USP42: variants seen among roughly 807,000 people sequenced by gnomAD.
The protein encoded by USP42 is ubiquitin carboxyl-terminal hydrolase 42.
In USP42, 23 loss-of-function variants were observed where a neutral mutation model predicts 113.0. The ratio of observed to expected loss-of-function variants is 0.20; its 90% CI spans 0.15 to 0.29. USP42 has a LOEUF of 0.29. USP42 is among the 10% of genes least tolerant of loss of function. The probability of loss-of-function intolerance (pLI) is 1.00; values close to 1 mark genes in which losing one functional copy is unlikely to be tolerated. For synonymous variants in USP42, 933 were observed against 699.0 expected, an observed-to-expected ratio of 1.33 and a Z score of -5.28; for missense variants, 2,174 against 1,779.8, an observed-to-expected ratio of 1.22 and a Z score of -3.99.
the USP42 span, among the ~76,000 whole-genome samples, chr7:6,097,578 G>A: frequency 6.7e-6 from 1 of 148,696 alleles, no homozygotes; most frequent in East Asian, 2.0e-4. Context: ...AGCCATGTGG[G>A]TTATTTCTTT....
At chr7:6,119,387 C>G (rs545363744) in intron 3 of USP42, among the ~76,000 whole-genome samples, 2 of 152,232 alleles carry the variant, frequency 1.3e-5, no homozygotes, top group Admixed American at 1.3e-4. Context: ...GAGAGGCTCG[C>G]TTCAGCTCAG....
chr7:6,109,727 A>T (rs1779493695), intron 1 of USP42, among the ~76,000 whole-genome samples: 1 of 134,560 alleles, frequency 7.4e-6, no homozygotes. Flanking sequence ...TTGAGACTTA[A>T]TCTTGCTCTG....
intron 8 of USP42, among the ~76,000 whole-genome samples, chr7:6,143,666 A>G (rs1206857561): frequency 1.3e-5 from 2 of 151,862 alleles, no homozygotes; most frequent in Non-Finnish European, 2.9e-5. Flanking sequence ...ATTTATTTTT[A>G]TTCCTTTTGT....
At chr7:6,099,211 C>T in the USP42 span, among the ~76,000 whole-genome samples, 1 of 98,782 alleles carries the variant, frequency 1.0e-5, no homozygotes, top group Non-Finnish European at 1.9e-5. Context: ...TGTTCCCTCT[C>T]TTTTTTTTTT....
At chr7:6,095,350 C>A in the USP42 span, among the ~76,000 whole-genome samples, 1 of 151,152 alleles carries the variant, frequency 6.6e-6, no homozygotes, top group Non-Finnish European at 1.5e-5. Context: ...CCCCTATTCC[C>A]CAGCATATAA....
the USP42 span, among the ~76,000 whole-genome samples, chr7:6,095,598 G>A: frequency 6.6e-6 from 1 of 151,100 alleles, no homozygotes; most frequent in Admixed American, 6.6e-5. Context: ...GAACCTGGGA[G>A]GCGGAGGTTG....
At chr7:6,125,735 T>C (rs1780505085) in intron 3 of USP42, among the ~76,000 whole-genome samples, 1 of 152,216 alleles carries the variant, frequency 6.6e-6, no homozygotes, top group South Asian at 2.1e-4. Context: ...AGATTTCCAT[T>C]TGGTATTTTT....
intron 14 of USP42, 118 bp downstream of exon 14, chr7:6,150,624 A>G (rs1781989467): frequency 2.2e-6 from 2 of 892,434 alleles, no homozygotes; most frequent in Non-Finnish European, 3.5e-6. Flanking sequence ...TGAATCCTAG[A>G]ATGATTTGAA....
At chr7:6,102,760 G>A (rs1219970484), upstream of USP42, among the ~76,000 whole-genome samples, 1 of 150,888 alleles carries the variant, frequency 6.6e-6, no homozygotes, top group Non-Finnish European at 1.5e-5. Context: ...CATAAAAGAG[G>A]AAAGGGAACT....
chr7:6,140,147 G>A lies in USP42; in HGVS notation c.676G>A (p.Ala226Thr), dbSNP rs1433793012. 1.2e-6 allele frequency: 2 copies of A among 1,613,942 alleles called. No individual in the cohort carries two copies. Among genetic ancestry groups the A allele is most frequent in the South Asian group, 2.2e-5 (2 of 91,076 alleles). The change falls in exon 6 of 18, where the codon GCC becomes ACC. Residue 226 changes from alanine (A) to threonine (T), a missense_variant. Transcript: ENST00000306177. ...GSNKLDRHTQ[A>T]TTLVCQIFGG... ...TTTCAGATTAGACAGACACACCCAG[G>A]CCACCACTCTTGTTTGTCAGATATT...
At chr7:6,081,953 A>G in the USP42 span, among the ~76,000 whole-genome samples, 1 of 152,162 alleles carries the variant, frequency 6.6e-6, no homozygotes, top group African/African-American at 2.4e-5. Context: ...AGAACAACAC[A>G]TAAAATAACA....
rs773479121 is a variant in USP42 at position 6,139,214 on chromosome 7, A to G, written c.656+20A>G. ...CAATAAGTAAGTACAACAGAGCGCC[A>G]GCCATGTCTTCATTGGGGATCTCTG... On this transcript the variant is annotated intron_variant, in intron 5 of 17. Coordinates refer to ENST00000306177, the MANE Select transcript of USP42 (RefSeq NM_032172.3). The surrounding 1 kb of genome is among the most constrained non-coding windows in gnomAD (Gnocchi z 4.5). 6.5e-7 allele frequency: 1 copy of G among 1,539,718 alleles called. No homozygotes were observed. Among genetic ancestry groups the G allele is most frequent in the Non-Finnish European group, 8.8e-7 (1 of 1,134,286 alleles).
At position 6,154,271 on chromosome 7, in the gene USP42, T is replaced by G. The variant is rs1177683880; in HGVS notation, c.2717T>G (p.Met906Arg). Reference protein sequence around the residue: ...AERPPAPVLDMAPAGHPEGDA... With the variant: ...AERPPAPVLDRAPAGHPEGDA... ...CGGCCGCCAGCTCCTGTGCTGGACA[T>G]GGCCCCGGCCGGTCACCCGGAAGGG... The change falls in exon 15 of 18, where the codon ATG becomes AGG. Residue 906 changes from methionine (M) to arginine (R), a missense_variant. Met to Arg is a moderately conservative substitution (Grantham distance 91). Transcript: ENST00000306177. 1 of 1,599,724 alleles carries G rather than the reference T, an allele frequency of 6.3e-7. No individual in the cohort carries two copies. The highest frequency in any genetic ancestry group is 2.3e-5 in the East Asian group (1 of 44,188).
chr7:6,156,190 T>A lies in USP42; in HGVS notation c.3642-564T>A, dbSNP rs567223014. Among the ~76,000 whole-genome samples the A allele has an allele frequency of 3.3e-5, 5 of 152,300 alleles. No homozygotes were observed. The South Asian group carries it at 1.0e-3, about 32-fold the overall frequency. On this transcript the variant is annotated intron_variant, in intron 15 of 17. Coordinates refer to ENST00000306177, the MANE Select transcript of USP42 (RefSeq NM_032172.3). ...CTGGGAAAGATTACCAAAAGCCATA[T>A]GGAAAATAGGCAGTGGTTATTGGAG...
At chr7:6,118,655 T>G (rs1780044223) in intron 3 of USP42, among the ~76,000 whole-genome samples, 1 of 152,210 alleles carries the variant, frequency 6.6e-6, no homozygotes, top group East Asian at 1.9e-4. Context: ...TTGAGTTAAT[T>G]TTTGTTTGTG....
At position 6,154,160 on chromosome 7, in the gene USP42, A is replaced by T; in HGVS notation, c.2606A>T (p.Gln869Leu). 1 of 1,595,030 alleles carries T rather than the reference A, an allele frequency of 6.3e-7. No individual in the cohort carries two copies. Among genetic ancestry groups the T allele is most frequent in the Non-Finnish European group, 8.5e-7 (1 of 1,171,496 alleles). The change falls in exon 15 of 18, where the codon CAG becomes CTG. Residue 869 changes from glutamine to leucine, a missense_variant. Physicochemically the swap from Gln to Leu is moderately radical, Grantham distance 113 (BLOSUM62 -2). Coordinates refer to ENST00000306177, the MANE Select transcript of USP42 (RefSeq NM_032172.3). ...GCGCGGTCGGAGGAGCCCTGCGAGC[A>T]GCCACTCCTTGTTCACCCCAGCGGG... ...PPARSEEPCE[Q>L]PLLVHPSGDH... is the part of the protein sequence containing the mutation.
intron 3 of USP42, among the ~76,000 whole-genome samples, chr7:6,125,582 G>T (rs902586328): frequency 3.2e-4 from 48 of 152,104 alleles, no homozygotes; most frequent in African/African-American, 1.1e-3. Flanking sequence ...TTGTGCTATT[G>T]TTGTCATGCG....
At chr7:6,108,040 C>A (rs746096062) in intron 1 of USP42, among the ~76,000 whole-genome samples, 2 of 151,918 alleles carry the variant, frequency 1.3e-5, no homozygotes, top group South Asian at 4.2e-4. Flanking sequence ...AAAAATTAGC[C>A]GGGTGTGGTG....
chr7:6,102,570 G>C (rs944275067), upstream of USP42, among the ~76,000 whole-genome samples: 1 of 150,512 alleles, frequency 6.6e-6, no homozygotes, highest in African/African-American at 2.5e-5. Flanking sequence ...CAACCAACCT[G>C]GGCAACATAG....
Sources: allele counts gnomAD v4.1 joint callset (sites outside exome capture counted in the v4.1 genomes callset), GRCh38; gene constraint gnomAD v4.1.1; non-coding constraint Gnocchi (gnomAD v3.1); transcripts MANE v1.5; gene names NCBI Gene and HGNC (gene_info 2026-07-23, HGNC 2026-07-21).